Variants in ASIC2 observed in about 807,000 individuals in gnomAD.
The protein encoded by ASIC2 is acid sensing ion channel subunit 2.
A neutral mutation model predicts 57.3 loss-of-function variants in ASIC2; 25 were observed. The observed-to-expected ratio is 0.44, with a 90% CI of 0.32 to 0.61. The LOEUF (loss-of-function observed/expected upper bound fraction) is 0.61. Ranked by LOEUF, ASIC2 falls within the 20% of genes least tolerant of loss-of-function variation. The pLI, the probability that ASIC2 is intolerant of heterozygous loss-of-function variation, is 0.06. For missense variants in ASIC2, 641 were observed against 738.1 expected (o/e 0.87, Z 1.52); for synonymous variants, 319 against 307.5 (o/e 1.04, Z -0.39).
chr17:33,039,049 G>A (rs916863766), intron 3 of ASIC2, among the ~76,000 whole-genome samples: 5 of 152,222 alleles, frequency 3.3e-5, no homozygotes, highest in African/African-American at 1.2e-4. Context: ...AACTGCCTAA[G>A]AGTATGTGGT....
intron 8 of ASIC2, among the ~76,000 whole-genome samples, chr17:33,016,368 A>T (rs1224352864): frequency 6.6e-6 from 1 of 152,204 alleles, no homozygotes; most frequent in African/African-American, 2.4e-5. Flanking sequence ...CCTCAGGAGC[A>T]GCCTTGGGAC....
chr17:33,684,685 G>A (rs1249414855), intron 1 of ASIC2, among the ~76,000 whole-genome samples: 1 of 152,070 alleles, frequency 6.6e-6, no homozygotes, highest in Non-Finnish European at 1.5e-5. Context: ...ATCTTTTTTA[G>A]ATTCTGGCTT....
At chr17:33,659,548 A>G (rs1331502089) in intron 1 of ASIC2, among the ~76,000 whole-genome samples, 1 of 152,160 alleles carries the variant, frequency 6.6e-6, no homozygotes, top group Non-Finnish European at 1.5e-5. Flanking sequence ...AAGAAAAGAT[A>G]CAGTAAAGAT....
chr17:33,594,808 A>G (rs1904932607), intron 1 of ASIC2, among the ~76,000 whole-genome samples: 1 of 149,074 alleles, frequency 6.7e-6, no homozygotes, highest in South Asian at 2.1e-4. Flanking sequence ...AGCCTGGGCG[A>G]CAGAGGGAGA....
intron 1 of ASIC2, among the ~76,000 whole-genome samples, chr17:33,346,664 A>C (rs1907961638): frequency 6.6e-6 from 1 of 152,204 alleles, no homozygotes; most frequent in Non-Finnish European, 1.5e-5. Context: ...GGATATTTGC[A>C]ACTTGAGCTC....
At chr17:33,218,869 C>T (rs575153490) in intron 1 of ASIC2, among the ~76,000 whole-genome samples, 1 of 151,956 alleles carries the variant, frequency 6.6e-6, no homozygotes, top group Non-Finnish European at 1.5e-5. Context: ...GATAACAGGG[C>T]GGGGGGGCTA....
intron 2 of ASIC2, among the ~76,000 whole-genome samples, chr17:33,104,627 C>T (rs2092227904): frequency 1.3e-5 from 2 of 152,188 alleles, no homozygotes; most frequent in South Asian, 2.1e-4. Context: ...AATGATTCTG[C>T]TCCTGAAGAA....
intron 1 of ASIC2, among the ~76,000 whole-genome samples, chr17:33,243,765 A>G (rs2142122640): frequency 6.6e-6 from 1 of 152,336 alleles, no homozygotes; most frequent in South Asian, 2.1e-4. Flanking sequence ...TTTTAGTATG[A>G]AAAATTTCAA....
intron 2 of ASIC2, among the ~76,000 whole-genome samples, chr17:33,110,081 T>C (rs1023426843): frequency 1.1e-4 from 16 of 152,022 alleles, no homozygotes; most frequent in African/African-American, 3.6e-4. Flanking sequence ...GTACATGTGC[T>C]TTTGCTCCTG....
intron 1 of ASIC2, among the ~76,000 whole-genome samples, chr17:33,499,692 G>T (rs560737988): frequency 5.0e-4 from 76 of 152,328 alleles, no homozygotes; most frequent in African/African-American, 1.8e-3. Context: ...GTTCTGTGTT[G>T]GGCAGCAGAC....
intron 1 of ASIC2, among the ~76,000 whole-genome samples, chr17:33,357,132 G>A (rs980529720): frequency 7.8e-4 from 16 of 20,562 alleles, no homozygotes; most frequent in African/African-American, 1.9e-3. Flanking sequence ...TCTGGGGACC[G>A]CACGTTGAGA....
chr17:33,537,454 C>G (rs1567643087), intron 1 of ASIC2, among the ~76,000 whole-genome samples: 1 of 152,190 alleles, frequency 6.6e-6, no homozygotes, highest in African/African-American at 2.4e-5. Flanking sequence ...CACTTGTTTA[C>G]AAGTGAAATC....
chr17:33,841,791 C>G (rs1183833602), intron 1 of ASIC2, among the ~76,000 whole-genome samples: 1 of 152,130 alleles, frequency 6.6e-6, no homozygotes, highest in Non-Finnish European at 1.5e-5. Context: ...AAATCCCTAT[C>G]AACCTCAATA....
chr17:33,417,025 A>C (rs1455375286), intron 1 of ASIC2, among the ~76,000 whole-genome samples: 3 of 152,150 alleles, frequency 2.0e-5, no homozygotes, highest in African/African-American at 7.2e-5. Flanking sequence ...GGAAAGGAAA[A>C]AAAAAAGGTT....
intron 1 of ASIC2, among the ~76,000 whole-genome samples, chr17:33,876,854 G>A (rs1914558650): frequency 6.6e-6 from 1 of 152,168 alleles, no homozygotes; most frequent in African/African-American, 2.4e-5. Context: ...CCCTCGAAAT[G>A]TTCCTGTCAC....
At chr17:33,331,951 C>T (rs1422641717) in intron 1 of ASIC2, among the ~76,000 whole-genome samples, 1 of 152,228 alleles carries the variant, frequency 6.6e-6, no homozygotes, top group Non-Finnish European at 1.5e-5. Context: ...AAAAATAGGA[C>T]ATCATACCCT....
chr17:33,956,211 G>A (rs77043440), intron 1 of ASIC2, among the ~76,000 whole-genome samples: 7,565 of 152,226 alleles, frequency 0.05, 568 homozygotes, highest in African/African-American at 0.16. Context: ...CAATAGGAGC[G>A]GGAGCGCTGG....
At chr17:33,066,469 G>A (rs1463380661) in intron 3 of ASIC2, among the ~76,000 whole-genome samples, 1 of 152,096 alleles carries the variant, frequency 6.6e-6, no homozygotes, top group South Asian at 2.1e-4. Flanking sequence ...GGAGGGTAAA[G>A]GATGTCCTCA....
At chr17:33,831,165 G>GC (rs1283103746) in intron 1 of ASIC2, among the ~76,000 whole-genome samples, 1 of 129,334 alleles carries the variant, frequency 7.7e-6, no homozygotes, top group African/African-American at 2.9e-5. Flanking sequence ...AAATTTGGCT[G>GC]CCCTTTTAAG....
Sources: gnomAD v4.1 joint callset for allele counts (sites outside exome capture counted in the v4.1 genomes callset) on GRCh38, gnomAD v4.1.1 for gene constraint, MANE v1.5 for transcripts, NCBI Gene and HGNC (gene_info 2026-07-23, HGNC 2026-07-21) for gene names.